Variants in DCC observed in about 807,000 individuals in gnomAD.
DCC encodes DCC netrin 1 receptor, also known as netrin receptor DCC.
A neutral mutation model predicts 172.5 loss-of-function variants in DCC; 58 were observed. The observed-to-expected ratio is 0.34, with a 90% CI of 0.27 to 0.42. The LOEUF (loss-of-function observed/expected upper bound fraction) is 0.42, where lower values mean the gene tolerates loss of function less well. Ranked by LOEUF, DCC falls within the 10% of genes least tolerant of loss-of-function variation. DCC has a pLI of 1.00. For missense variants in DCC, 1,740 were observed against 1,791.0 expected (o/e 0.97, Z 0.51); for synonymous variants, 709 against 644.5 (o/e 1.10, Z -1.52).
At chr18:53,281,601 C>T (rs975224321) in intron 12 of DCC, among the ~76,000 whole-genome samples, 5 of 152,106 alleles carry the variant, frequency 3.3e-5, no homozygotes, top group Admixed American at 3.3e-4. Flanking sequence ...ACTTCATATT[C>T]CTTTTTGATA....
intron 12 of DCC, among the ~76,000 whole-genome samples, chr18:53,259,554 C>G (rs1259719768): frequency 6.6e-6 from 1 of 152,158 alleles, no homozygotes; most frequent in Non-Finnish European, 1.5e-5. Flanking sequence ...TCTCTTCTGG[C>G]TTGTAGAGTT....
chr18:53,506,436 CAAAT>C, intron 27 of DCC, among the ~76,000 whole-genome samples: 1 of 152,192 alleles, frequency 6.6e-6, no homozygotes, highest in Admixed American at 6.5e-5. Context: ...ATGCTAAAGC[CAAAT>C]AAATTGCATA....
intron 7 of DCC, among the ~76,000 whole-genome samples, chr18:53,127,209 G>A (rs897428992): frequency 1.5e-5 from 2 of 134,422 alleles, no homozygotes; most frequent in Admixed American, 8.2e-5. Flanking sequence ...GTCTCGTTAT[G>A]TTGCCCGGTC....
chr18:53,228,030 T>A (rs1403549653), intron 12 of DCC, among the ~76,000 whole-genome samples: 1 of 152,196 alleles, frequency 6.6e-6, no homozygotes, highest in South Asian at 2.1e-4. Flanking sequence ...CTTTTATGCA[T>A]AGATAAGTCT....
intron 2 of DCC, among the ~76,000 whole-genome samples, chr18:52,883,350 A>ATGTATGTGTGTGTGTGTG (rs2039519379): frequency 1.5e-4 from 5 of 34,108 alleles, no homozygotes; most frequent in Admixed American, 3.9e-4. Flanking sequence ...TTATTTATTT[A>ATGTATGTGTGTGTGTGTG]TGTGTGTGTG....
chr18:53,169,958 C>A (rs990632967), intron 8 of DCC, among the ~76,000 whole-genome samples: 1 of 152,054 alleles, frequency 6.6e-6, no homozygotes, highest in Non-Finnish European at 1.5e-5. Context: ...AATAAACTGC[C>A]CTTCCAAACT....
intron 1 of DCC, among the ~76,000 whole-genome samples, chr18:52,353,559 C>A (rs1984225354): frequency 6.6e-6 from 1 of 152,214 alleles, no homozygotes; most frequent in Non-Finnish European, 1.5e-5. Flanking sequence ...ATGAAACAGA[C>A]CAAGTGCTCA....
intron 26 of DCC, among the ~76,000 whole-genome samples, chr18:53,498,385 T>C (rs2046051924): frequency 6.6e-6 from 1 of 152,204 alleles, no homozygotes; most frequent in South Asian, 2.1e-4. Context: ...AAGAAATAAG[T>C]CATCAGAAAA....
At chr18:52,820,743 GAAC>G (rs2038390685) in intron 2 of DCC, among the ~76,000 whole-genome samples, 1 of 152,140 alleles carries the variant, frequency 6.6e-6, no homozygotes, top group Non-Finnish European at 1.5e-5. Flanking sequence ...AGTTGATTGT[GAAC>G]ATCTTAGCTC....
At chr18:52,926,668 G>C (rs1401513693) in intron 5 of DCC, among the ~76,000 whole-genome samples, 1 of 151,332 alleles carries the variant, frequency 6.6e-6, no homozygotes, top group Non-Finnish European at 1.5e-5. Context: ...TTACTTGCAT[G>C]AGGTCAAATT....
At chr18:53,489,962 T>C (rs1442791938) in intron 26 of DCC, among the ~76,000 whole-genome samples, 1 of 152,194 alleles carries the variant, frequency 6.6e-6, no homozygotes, top group Admixed American at 6.5e-5. Flanking sequence ...TGGGGCCTCA[T>C]TTCTACAAAT....
chr18:53,525,733 G>A (rs939304852), intron 27 of DCC, among the ~76,000 whole-genome samples: 4 of 151,996 alleles, frequency 2.6e-5, no homozygotes, highest in Non-Finnish European at 5.9e-5. Flanking sequence ...GTCAGCTCTC[G>A]TGATAGAAGA....
intron 1 of DCC, among the ~76,000 whole-genome samples, chr18:52,625,246 G>C (rs1250661346): frequency 6.6e-6 from 1 of 152,120 alleles, no homozygotes; most frequent in African/African-American, 2.4e-5. Flanking sequence ...TGTAAATTTA[G>C]AGAAGAGAGA....
intron 15 of DCC, among the ~76,000 whole-genome samples, chr18:53,371,417 C>T (rs1043585438): frequency 6.6e-6 from 1 of 151,920 alleles, no homozygotes; most frequent in Non-Finnish European, 1.5e-5. Flanking sequence ...TAGTCAAAAG[C>T]ATGATTGCAT....
chr18:52,508,189 C>G (rs17828227), intron 1 of DCC, among the ~76,000 whole-genome samples: 9,521 of 152,190 alleles, frequency 0.063, 706 homozygotes, highest in East Asian at 0.39. Flanking sequence ...AGAAAGATGT[C>G]TGCTTTTCTG....
At chr18:53,039,447 G>A (rs981504552) in intron 5 of DCC, among the ~76,000 whole-genome samples, 9 of 152,048 alleles carry the variant, frequency 5.9e-5, no homozygotes, top group African/African-American at 2.2e-4. Context: ...ATTTGCCAGA[G>A]GAAGGTCTAT....
At chr18:52,948,312 ATG>A (rs10566106) in intron 5 of DCC, among the ~76,000 whole-genome samples, 72,454 of 150,008 alleles carry the variant, frequency 0.48, 17,866 homozygotes, top group East Asian at 0.78. Context: ...CACAGTGTTG[ATG>A]TGTGTGTGTG....
intron 1 of DCC, among the ~76,000 whole-genome samples, chr18:52,424,801 G>C (rs886895374): frequency 2.0e-5 from 3 of 152,200 alleles, no homozygotes; most frequent in African/African-American, 7.2e-5. Flanking sequence ...GACGATGCCA[G>C]TCAGTGGGTA....
chr18:52,582,138 T>C (rs1028659020), intron 1 of DCC, among the ~76,000 whole-genome samples: 2 of 152,196 alleles, frequency 1.3e-5, no homozygotes, highest in African/African-American at 4.8e-5. Context: ...AGTATGGTTA[T>C]CATTTCTGAA....
Sources: gnomAD v4.1 joint callset for allele counts (sites outside exome capture counted in the v4.1 genomes callset) on GRCh38, gnomAD v4.1.1 for gene constraint, MANE v1.5 for transcripts, NCBI Gene and HGNC (gene_info 2026-07-23, HGNC 2026-07-21) for gene names.